SGMS2: variants seen among roughly 807,000 people sequenced by gnomAD.
SGMS2 encodes sphingomyelin synthase 2.
A neutral mutation model predicts 43.8 loss-of-function variants in SGMS2; 21 were observed. The ratio of observed to expected loss-of-function variants is 0.48; its 90% CI spans 0.34 to 0.69. The LOEUF is 0.69. Ranked by LOEUF, SGMS2 falls within the 30% of genes least tolerant of loss-of-function variation. The pLI is 0.01. For missense variants in SGMS2, 384 were observed against 443.2 expected, an observed-to-expected ratio of 0.87 and a Z score of 1.20; for synonymous variants, 167 against 160.6, an observed-to-expected ratio of 1.04 and a Z score of -0.30.
chr4:107,851,078 T>C (rs1727114840), intron 1 of SGMS2, among the ~76,000 whole-genome samples: 1 of 152,200 alleles, frequency 6.6e-6, no homozygotes, highest in Admixed American at 6.5e-5. Flanking sequence ...CTCTAAAACT[T>C]AAAAGAAGAC....
intron 2 of SGMS2, among the ~76,000 whole-genome samples, chr4:107,873,644 A>G (rs188941558): frequency 1.3e-5 from 2 of 152,194 alleles, no homozygotes; most frequent in East Asian, 3.9e-4. Flanking sequence ...ACTGTTCCTG[A>G]GAGAGTATCT....
intron 1 of SGMS2, among the ~76,000 whole-genome samples, chr4:107,851,091 G>T (rs1727115700): frequency 6.6e-6 from 1 of 152,052 alleles, no homozygotes; most frequent in Non-Finnish European, 1.5e-5. Flanking sequence ...AAGAAGACTT[G>T]AAAAAACTTT....
chr4:107,882,438 A>AT (rs901248701), intron 2 of SGMS2, among the ~76,000 whole-genome samples: 1 of 151,924 alleles, frequency 6.6e-6, no homozygotes, highest in Non-Finnish European at 1.5e-5. Flanking sequence ...ACTTTTGCTT[A>AT]TTTTTTTACT....
Position 107,903,327 on chromosome 4 carries a change from A to G in SGMS2, c.668A>G (p.Asp223Gly). The G allele has an allele frequency of 6.2e-7, 1 of 1,613,900 alleles. No individual in the cohort carries two copies. Among genetic ancestry groups the G allele is most frequent in the East Asian group, 2.2e-5 (1 of 44,862 alleles). The change falls in exon 5 of 7, where the codon GAC (aspartate) becomes GGC (glycine). Residue 223 changes from aspartate to glycine, a missense_variant. Physicochemically the swap from Asp to Gly is moderately conservative, Grantham distance 94 (BLOSUM62 -1). Transcript: ENST00000690982. Reference sequence around the variant, plus strand: ...ACTGGATCACATATCTTATGTGGAGACTTCCTCTTCAGCGGTCACACGGTT... The same window carrying G: ...ACTGGATCACATATCTTATGTGGAGGCTTCCTCTTCAGCGGTCACACGGTT... ...SITGSHILCG[D>G]FLFSGHTVTL...
chr4:107,885,202 A>C (rs1443836530), intron 2 of SGMS2, among the ~76,000 whole-genome samples: 1 of 151,608 alleles, frequency 6.6e-6, no homozygotes, highest in Admixed American at 6.6e-5. Flanking sequence ...TGAACCTTCC[A>C]GTTACACTGC....
chr4:107,868,178 A>T (rs781690769), intron 2 of SGMS2, among the ~76,000 whole-genome samples: 3 of 152,224 alleles, frequency 2.0e-5, no homozygotes, highest in African/African-American at 7.2e-5. Flanking sequence ...TTTGCAATAT[A>T]AATTAGATTG....
At chr4:107,862,066 C>G (rs1727764624) in intron 2 of SGMS2, among the ~76,000 whole-genome samples, 3 of 152,138 alleles carry the variant, frequency 2.0e-5, no homozygotes, top group Non-Finnish European at 4.4e-5. Context: ...AACAGAAATC[C>G]CAGTATTGGG....
intron 2 of SGMS2, among the ~76,000 whole-genome samples, chr4:107,880,851 C>CA (rs758313839): frequency 0.12 from 4,922 of 42,688 alleles, 201 homozygotes; most frequent in African/African-American, 0.27. Flanking sequence ...GAGACTGTCT[C>CA]AAAAAAAAAA....
At chr4:107,891,124 T>C (rs1299841934) in intron 2 of SGMS2, among the ~76,000 whole-genome samples, 1 of 67,324 alleles carries the variant, frequency 1.5e-5, no homozygotes, top group Non-Finnish European at 2.5e-5. Context: ...TTCTGGCTGT[T>C]TTTCTCCCCC....
In SGMS2 at chr4:107,906,198, A is replaced by T. The variant is rs114943677; in HGVS notation, c.728-2367A>T. Among the ~76,000 whole-genome samples the T allele has an allele frequency of 6.1e-3, 927 of 152,100 alleles. 11 individuals are homozygous for T. The highest frequency in any genetic ancestry group is 0.029 in the East Asian group (149 of 5,178). ...AATTAGATGTATCATTTATATATAT[A>T]TTTTTTTACTTTCCCGCCTTTTGAT... On this transcript the variant is annotated intron_variant, in intron 5 of 6. Coordinates refer to ENST00000690982, the MANE Select transcript of SGMS2 (RefSeq NM_001375905.1).
intron 2 of SGMS2, among the ~76,000 whole-genome samples, chr4:107,866,282 TGGCTG>T (rs1237204225): frequency 2.0e-5 from 3 of 152,144 alleles, no homozygotes; most frequent in African/African-American, 7.2e-5. Context: ...AAAAAACTCT[TGGCTG>T]GGCATTGTGG....
At chr4:107,850,122 C>T (rs1005449753) in intron 1 of SGMS2, among the ~76,000 whole-genome samples, 2 of 152,144 alleles carry the variant, frequency 1.3e-5, no homozygotes, top group Admixed American at 1.3e-4. Flanking sequence ...TGGCATCTCT[C>T]CTCCCACTGT....
At chr4:107,846,948 T>G (rs1726863022) in intron 1 of SGMS2, among the ~76,000 whole-genome samples, 1 of 152,170 alleles carries the variant, frequency 6.6e-6, no homozygotes. Flanking sequence ...TTGCCCACTT[T>G]TTGATGGGCT....
chr4:107,902,993 A>T (rs1156739305), intron 4 of SGMS2, among the ~76,000 whole-genome samples: 1 of 152,180 alleles, frequency 6.6e-6, no homozygotes, highest in Non-Finnish European at 1.5e-5. Flanking sequence ...GCCCAAGGAC[A>T]CACCACCACC....
chr4:107,828,793 C>T (rs1157042032), intron 1 of SGMS2, among the ~76,000 whole-genome samples: 5 of 152,198 alleles, frequency 3.3e-5, no homozygotes, highest in South Asian at 2.1e-4. Context: ...TTAATTTCTG[C>T]GTTCCTTTAG....
Position 107,914,500 on chromosome 4 carries a change from T to G in SGMS2, c.*3947T>G, listed in dbSNP as rs1459128657. 1 of 152,170 alleles carries G rather than the reference T, an allele frequency of 6.6e-6. No homozygotes were observed. The highest frequency in any genetic ancestry group is 1.5e-5 in the Non-Finnish European group (1 of 67,998). 9.4% of individuals were successfully genotyped at this position (152,170 alleles called of 1,614,324 possible). A position where few individuals can be genotyped will look rare whatever the true frequency, so the allele number is the denominator to read the frequency against. The stretch of plus-strand genomic sequence containing the variant: ...ACAAAAGAAATATTATTACAAGGTT[T>G]CAGAGGTAGCCAATTGCATTCTTTT... On this transcript the variant is annotated 3_prime_UTR_variant, in exon 7 of 7. Transcript: ENST00000690982.
At chr4:107,883,975 A>C (rs540722578) in intron 2 of SGMS2, among the ~76,000 whole-genome samples, 10 of 152,230 alleles carry the variant, frequency 6.6e-5, no homozygotes, top group Non-Finnish European at 1.5e-4. Flanking sequence ...CAAAAACTAT[A>C]GTACACTTGT....
chr4:107,841,717 A>G (rs570459303), intron 1 of SGMS2, among the ~76,000 whole-genome samples: 53 of 151,990 alleles, frequency 3.5e-4, no homozygotes, highest in African/African-American at 1.3e-3. Context: ...AGGCTGGAGT[A>G]CTGTGGTGCA....
intron 2 of SGMS2, among the ~76,000 whole-genome samples, chr4:107,872,751 C>CA (rs1321466333): frequency 2.0e-5 from 3 of 151,738 alleles, no homozygotes; most frequent in Non-Finnish European, 4.4e-5. Context: ...TTTTTCAATG[C>CA]AAAAAAAGAT....
Sources: allele counts gnomAD v4.1 joint callset (sites outside exome capture counted in the v4.1 genomes callset), GRCh38; gene constraint gnomAD v4.1.1; transcripts MANE v1.5; gene names NCBI Gene and HGNC (gene_info 2026-07-23, HGNC 2026-07-21).